The following PDS5A variants were observed in gnomAD, a reference collection of about 807,000 sequenced individuals.
PDS5A encodes the protein sister chromatid cohesion protein PDS5 homolog A.
In PDS5A, 42 loss-of-function variants were observed where a neutral mutation model predicts 167.1. That is an observed-to-expected ratio of 0.25 (90% CI 0.20 to 0.33). The LOEUF is 0.33. PDS5A is among the 10% of genes least tolerant of loss of function. The pLI, the probability that PDS5A is intolerant of heterozygous loss-of-function variation, is 1.00. For missense variants in PDS5A, 1,033 were observed against 1,605.9 expected, an observed-to-expected ratio of 0.64 and a Z score of 6.10; for synonymous variants, 553 against 554.6, an observed-to-expected ratio of 1.00 and a Z score of 0.04.
chr4:39,896,883 T>C (rs186369603), intron 16 of PDS5A, among the ~76,000 whole-genome samples: 1 of 151,620 alleles, frequency 6.6e-6, no homozygotes. Flanking sequence ...GTGATAGGAA[T>C]CCTTCAGTTC....
chr4:39,864,822 G>C (rs1479251270), intron 23 of PDS5A, among the ~76,000 whole-genome samples: 1 of 152,198 alleles, frequency 6.6e-6, no homozygotes, highest in East Asian at 1.9e-4. Context: ...TGAGGAAATT[G>C]AGGCTTACAA....
chr4:39,879,273 C>T (rs887347921), intron 18 of PDS5A, among the ~76,000 whole-genome samples: 5 of 152,064 alleles, frequency 3.3e-5, no homozygotes, highest in South Asian at 4.1e-4. Flanking sequence ...CAGTGGCACT[C>T]GACAATCTGG....
chr4:39,840,195 C>A (rs1321465658), intron 31 of PDS5A, among the ~76,000 whole-genome samples: 1 of 152,120 alleles, frequency 6.6e-6, no homozygotes, highest in Non-Finnish European at 1.5e-5. Context: ...CAGTGAGTGG[C>A]AGAGCCAAGA....
At position 39,861,081 on chromosome 4, in the gene PDS5A, T is replaced by A. The variant is rs866446593; in HGVS notation, c.3086+1138A>T. Among the ~76,000 whole-genome samples the A allele has an allele frequency of 2.6e-3, 356 of 138,588 alleles. 3 individuals carry two copies. The Middle Eastern group carries it at 0.065, about 25-fold the overall frequency. 90.9% of individuals were successfully genotyped at this position (138,588 alleles called of 152,430 possible). A position where few individuals can be genotyped will look rare whatever the true frequency, so the allele number is the denominator to read the frequency against. Reference sequence around the variant, plus strand: ...CTTGTCTCATTAAAAAAAAAAAAAATAGAATAAAAATGAAGATCTTATACA... The same window carrying A: ...CTTGTCTCATTAAAAAAAAAAAAAAAAGAATAAAAATGAAGATCTTATACA... On this transcript the variant is annotated intron_variant, in intron 26 of 32. Transcript: ENST00000303538.
At position 39,977,084 on chromosome 4, in the gene PDS5A, G is replaced by C. The variant is rs509028; in HGVS notation, c.-41+373C>G. 0.71 allele frequency among the ~76,000 whole-genome samples: 107,819 copies of C among 151,978 alleles called. 38,444 individuals are homozygous for C. The highest frequency in any genetic ancestry group is 0.79 in the South Asian group (3,822 of 4,816). ...AGCGGACCCACGCGCAGCGGCGGCT[G>C]CCGGGAACAAAACGCCCTTGCCCAG... On this transcript the variant is annotated intron_variant, in intron 1 of 32. Transcript: ENST00000303538. The surrounding 1 kb of genome is among the most constrained non-coding windows in gnomAD (Gnocchi z 4.2).
intron 2 of PDS5A, among the ~76,000 whole-genome samples, chr4:39,930,246 A>AAAAAAAAAAAAATT: frequency 1.2e-4 from 11 of 93,084 alleles, no homozygotes; most frequent in Non-Finnish European, 2.2e-4. Context: ...AAAAAAAAAA[A>AAAAAAAAAAAAATT]GTTTTTTTGT....
In PDS5A at chr4:39,859,296, A is replaced by C. The variant is rs142793382; in HGVS notation, c.3086+2923T>G. ...AAACTTAAAAAAACAAACAAACAAA[A>C]AAAACCAGACTGGGTTTCCTGTCAC... On this transcript the variant is annotated intron_variant, in intron 26 of 32. Coordinates refer to ENST00000303538, the MANE Select transcript of PDS5A (RefSeq NM_001100399.2). Among the ~76,000 whole-genome samples the C allele has an allele frequency of 4.6e-3, 705 of 152,260 alleles. 3 individuals are homozygous for C. Among genetic ancestry groups the C allele is most frequent in the Non-Finnish European group, 6.9e-3 (466 of 68,018 alleles).
chr4:39,919,698 A>C (rs1724737838), intron 7 of PDS5A, among the ~76,000 whole-genome samples: 1 of 152,196 alleles, frequency 6.6e-6, no homozygotes, highest in Admixed American at 6.5e-5. Flanking sequence ...AAATATGAGC[A>C]AATGAACAAT....
chr4:39,928,825 T>TAAAA (rs201886708), intron 2 of PDS5A, among the ~76,000 whole-genome samples: 1 of 139,378 alleles, frequency 7.2e-6, no homozygotes, highest in Non-Finnish European at 1.5e-5. Flanking sequence ...ACACTGTCTT[T>TAAAA]AAAAAAAAAA....
chr4:39,973,458 T>C (rs1484694418), intron 2 of PDS5A: 2 of 1,350,956 alleles, frequency 1.5e-6, no homozygotes, highest in Non-Finnish European at 2.1e-6. Context: ...GATACCAGGG[T>C]GTTAATATTT....
At chr4:39,841,841 A>C in intron 31 of PDS5A, 107 bp downstream of exon 31, 2 of 651,068 alleles carry the variant, frequency 3.1e-6, no homozygotes, top group South Asian at 3.7e-5. Context: ...ACACAAGTTT[A>C]AAATGTAGCA....
chr4:39,976,960 C>T (rs1199106394), intron 1 of PDS5A, among the ~76,000 whole-genome samples: 3 of 152,194 alleles, frequency 2.0e-5, no homozygotes, highest in African/African-American at 4.8e-5. Flanking sequence ...GGCCCCCGCT[C>T]GGCGGTGGGG....
rs1378900340 is a variant in PDS5A at position 39,824,778 on chromosome 4, GA to G, written c.*706del. ...AAATTATATTAAACTAAAATGAGGG[GA>G]AATCAAAATATGAACTGTTTACTAC... is the stretch of plus-strand genomic sequence containing the variant. On this transcript the variant is annotated 3_prime_UTR_variant, in exon 33 of 33. Coordinates refer to ENST00000303538, the MANE Select transcript of PDS5A (RefSeq NM_001100399.2). 1.3e-5 allele frequency: 2 copies of G among 152,366 alleles called. No individual in the cohort carries two copies. The highest frequency in any genetic ancestry group is 1.3e-4 in the Admixed American group (2 of 15,250). 9.4% of individuals were successfully genotyped at this position (152,366 alleles called of 1,614,324 possible). A position where few individuals can be genotyped will look rare whatever the true frequency, so the allele number is the denominator to read the frequency against.
chr4:39,842,706 C>T (rs1162068929), intron 30 of PDS5A, among the ~76,000 whole-genome samples: 1 of 151,638 alleles, frequency 6.6e-6, no homozygotes, highest in East Asian at 1.9e-4. Context: ...GATCACTATA[C>T]ATGCTATGCA....
chr4:39,877,196 T>A, intron 18 of PDS5A, 43 bp from the exon 19 acceptor site: 1 of 1,278,542 alleles, frequency 7.8e-7, no homozygotes, highest in Non-Finnish European at 1.1e-6. Flanking sequence ...ACAATGGTTT[T>A]AATCCATTAA....
chr4:39,976,170 A>AAT (rs1731063582), intron 2 of PDS5A: 1 of 248,720 alleles, frequency 4.0e-6, no homozygotes, highest in Non-Finnish European at 7.7e-6. Context: ...TATTCTCATT[A>AAT]AATACCTCCA....
chr4:39,913,502 A>C, intron 9 of PDS5A, 109 bp downstream of exon 9: 1 of 623,174 alleles, frequency 1.6e-6, no homozygotes, highest in Non-Finnish European at 2.9e-6. Flanking sequence ...ATGACAATGA[A>C]ACCAACATCT....
At chr4:39,871,962 C>T (rs568909842) in intron 21 of PDS5A, among the ~76,000 whole-genome samples, 36 of 151,874 alleles carry the variant, frequency 2.4e-4, no homozygotes, top group Non-Finnish European at 4.4e-4. Flanking sequence ...CACCTCGGCC[C>T]CTCAAAGTGC....
chr4:39,867,122 T>C lies in PDS5A; in HGVS notation c.2506-125A>G, dbSNP rs148978737. On this transcript the variant is annotated intron_variant, in intron 22 of 32. Transcript: ENST00000303538. ...GCAGACATTTTATTAAATAAGTCTA[T>C]GGGATAATAACAGCAACAATACGAA... 110 of 728,502 alleles carry C rather than the reference T, an allele frequency of 1.5e-4. 2 individuals are homozygous for C. In the African/African-American group the frequency reaches 1.7e-3, roughly 11 times the overall value. 45.1% of individuals were successfully genotyped at this position (728,502 alleles called of 1,614,324 possible). A position where few individuals can be genotyped will look rare whatever the true frequency, so the allele number is the denominator to read the frequency against.
Sources: allele counts gnomAD v4.1 joint callset (sites outside exome capture counted in the v4.1 genomes callset), GRCh38; gene constraint gnomAD v4.1.1; non-coding constraint Gnocchi (gnomAD v3.1); transcripts MANE v1.5; gene names NCBI Gene and HGNC (gene_info 2026-07-23, HGNC 2026-07-21).